The following AAGAB variants were observed in gnomAD, a reference collection of about 807,000 sequenced individuals.
The protein encoded by AAGAB is alpha and gamma adaptin binding protein, also known as alpha- and gamma-adaptin-binding protein p34.
AAGAB carries 38 observed loss-of-function variants against 44.1 expected under a neutral mutation model. The observed-to-expected ratio is 0.86, with a 90% CI of 0.67 to 1.13. The LOEUF is 1.13. AAGAB is among the 50% of genes most tolerant of loss of function. The probability of loss-of-function intolerance (pLI) is 0.00; values close to 1 mark genes in which losing one functional copy is unlikely to be tolerated. For synonymous variants in AAGAB, 131 were observed against 131.8 expected, an observed-to-expected ratio of 0.99 and a Z score of 0.04; for missense variants, 450 against 373.8, an observed-to-expected ratio of 1.20 and a Z score of -1.68.
chr15:67,254,279 G>C, intron 1 of AAGAB: 1 of 686,180 alleles, frequency 1.5e-6, no homozygotes, highest in Middle Eastern at 4.8e-4. Flanking sequence ...TCATCTCAAC[G>C]GATCCTCGCA....
chr15:67,222,228 G>GCA (rs1368084831), intron 5 of AAGAB, among the ~76,000 whole-genome samples: 2 of 88,474 alleles, frequency 2.3e-5, no homozygotes, highest in Non-Finnish European at 2.3e-5. Flanking sequence ...GCATGCACGC[G>GCA]CACGCGCGCG....
intron 5 of AAGAB, among the ~76,000 whole-genome samples, chr15:67,216,960 C>T (rs1963965759): frequency 6.6e-6 from 1 of 152,106 alleles, no homozygotes; most frequent in East Asian, 1.9e-4. Context: ...AAAACAAAGT[C>T]TCATCATTTT....
At chr15:67,209,000 T>C (rs1046362548) in intron 6 of AAGAB, among the ~76,000 whole-genome samples, 2 of 152,194 alleles carry the variant, frequency 1.3e-5, no homozygotes, top group African/African-American at 4.8e-5. Flanking sequence ...AAAAGATCCC[T>C]GGAAAGACAA....
chr15:67,246,134 A>G (rs1206226370), intron 1 of AAGAB, among the ~76,000 whole-genome samples: 2 of 152,214 alleles, frequency 1.3e-5, no homozygotes, highest in Admixed American at 6.5e-5. Context: ...TAACCCCAGC[A>G]CTTTGGGAGG....
intron 5 of AAGAB, among the ~76,000 whole-genome samples, chr15:67,222,629 G>GCCAGT (rs2140361808): frequency 6.6e-6 from 1 of 152,144 alleles, no homozygotes; most frequent in South Asian, 2.1e-4. Context: ...CCTGTGCAAA[G>GCCAGT]CCAGTCCCTC....
chr15:67,234,994 TC>T (rs1303622047), intron 4 of AAGAB, among the ~76,000 whole-genome samples: 1 of 152,242 alleles, frequency 6.6e-6, no homozygotes, highest in Non-Finnish European at 1.5e-5. Flanking sequence ...ATTTCTTAAT[TC>T]CTTGAAGAAA....
At chr15:67,236,373 C>CG in intron 3 of AAGAB, 35 bp downstream of exon 3, 1 of 1,572,060 alleles carries the variant, frequency 6.4e-7, no homozygotes, top group Non-Finnish European at 8.7e-7. Context: ...ATGGCAAATG[C>CG]ATGTACCAAC....
chr15:67,226,080 T>G (rs1029685284), intron 5 of AAGAB, among the ~76,000 whole-genome samples: 2 of 152,204 alleles, frequency 1.3e-5, no homozygotes, highest in Non-Finnish European at 2.9e-5. Flanking sequence ...TGAAGTGGTA[T>G]TTCATTGTTG....
chr15:67,208,650 A>T lies in AAGAB; in HGVS notation c.627T>A (p.His209Gln). The T allele has an allele frequency of 6.2e-7, 1 of 1,614,120 alleles. No individual in the cohort carries two copies. Among genetic ancestry groups the T allele is most frequent in the Non-Finnish European group, 8.5e-7 (1 of 1,179,980 alleles). The change falls in exon 7 of 10, where the codon CAT becomes CAA. Residue 209 changes from histidine (H) to glutamine (Q), a missense_variant. Coordinates refer to ENST00000261880, the MANE Select transcript of AAGAB (RefSeq NM_024666.5). ...SADPCHPEQP[H>Q]LPAADSTESL... ...ATTCAGTACTATCTGCTGCTGGCAAATGGGGTTGCTGTTGAGGAAAATACA... is the reference window on the plus strand; with the variant it reads ...ATTCAGTACTATCTGCTGCTGGCAATTGGGGTTGCTGTTGAGGAAAATACA...
Position 67,212,036 on chromosome 15 carries a change from C to T in AAGAB, c.536-2492G>A, listed in dbSNP as rs542775529. 1.1e-4 allele frequency among the ~76,000 whole-genome samples: 17 copies of T among 152,276 alleles called. No individual in the cohort carries two copies. The South Asian group carries it at 1.2e-3, about 11-fold the overall frequency. ...CCGGGACTACAGGCGCCCGCCACCA[C>T]GCCCGACTAATTTTTTTTGTATTTT... On this transcript the variant is annotated intron_variant, in intron 5 of 9. Transcript: ENST00000261880.
chr15:67,225,544 A>G (rs1342563984), intron 5 of AAGAB, among the ~76,000 whole-genome samples: 1 of 152,156 alleles, frequency 6.6e-6, no homozygotes, highest in Non-Finnish European at 1.5e-5. Flanking sequence ...GAAATACCAT[A>G]CCCATGAGCA....
intron 5 of AAGAB, among the ~76,000 whole-genome samples, chr15:67,214,337 T>G (rs1427668594): frequency 3.3e-5 from 5 of 152,244 alleles, no homozygotes; most frequent in Admixed American, 2.6e-4. Context: ...CCTTGAGGCA[T>G]TGGTCACATA....
intron 9 of AAGAB, among the ~76,000 whole-genome samples, chr15:67,203,127 C>A (rs576934999): frequency 4.6e-4 from 70 of 152,292 alleles, no homozygotes; most frequent in African/African-American, 1.6e-3. Context: ...TAAAGACATG[C>A]ACAGCTTTGT....
chr15:67,237,797 ACTC>A (rs1257664080), intron 1 of AAGAB, among the ~76,000 whole-genome samples: 2 of 152,102 alleles, frequency 1.3e-5, no homozygotes, highest in African/African-American at 2.4e-5. Context: ...ACAGTCACAA[ACTC>A]CTCGTCAATG....
At chr15:67,237,693 CCCATAA>C (rs1964503624) in intron 1 of AAGAB, among the ~76,000 whole-genome samples, 1 of 152,140 alleles carries the variant, frequency 6.6e-6, no homozygotes, top group Non-Finnish European at 1.5e-5. Flanking sequence ...CACACCCATA[CCCATAA>C]CCTCCACTTT....
intron 1 of AAGAB, among the ~76,000 whole-genome samples, chr15:67,241,498 A>C (rs1964598574): frequency 6.6e-6 from 1 of 152,196 alleles, no homozygotes; most frequent in Non-Finnish European, 1.5e-5. Context: ...TGGAGACCCA[A>C]CATTCTTCTT....
At position 67,204,073 on chromosome 15, in the gene AAGAB, CTT is replaced by C. The variant is rs1180324001; in HGVS notation, c.789_790del (p.Arg264ThrfsTer18). On this transcript the variant is annotated frameshift_variant, in exon 8 of 10. Coordinates refer to ENST00000261880, the MANE Select transcript of AAGAB (RefSeq NM_024666.5). LOFTEE classifies it high-confidence loss of function. The stretch of plus-strand genomic sequence containing the variant: ...CATTTCCTTTAACTTTGAAAAGAGT[CTT>C]TCAAAATTCTCCACATCTCCTCCTC... The C allele has an allele frequency of 6.2e-7, 1 of 1,609,716 alleles. No individual in the cohort carries two copies. The highest frequency in any genetic ancestry group is 8.5e-7 in the Non-Finnish European group (1 of 1,176,178).
At chr15:67,232,553 TA>T in intron 4 of AAGAB, 1 of 403,836 alleles carries the variant, frequency 2.5e-6, no homozygotes, top group Non-Finnish European at 5.0e-6. Context: ...CAACACTACC[TA>T]AGAGAGAAAT....
At chr15:67,231,227 T>TA (rs1218538256) in intron 5 of AAGAB, among the ~76,000 whole-genome samples, 1 of 152,160 alleles carries the variant, frequency 6.6e-6, no homozygotes, top group Non-Finnish European at 1.5e-5. Flanking sequence ...GATGGGCTCT[T>TA]ACCATGTTGT....
Sources: gnomAD v4.1 joint callset for allele counts (sites outside exome capture counted in the v4.1 genomes callset) on GRCh38, gnomAD v4.1.1 for gene constraint, MANE v1.5 for transcripts, NCBI Gene and HGNC (gene_info 2026-07-23, HGNC 2026-07-21) for gene names.